The following ITGB3BP variants were observed in gnomAD, a reference collection of about 807,000 sequenced individuals.
ITGB3BP encodes the protein centromere protein R.
ITGB3BP carries 27 observed loss-of-function variants against 29.1 expected under a neutral mutation model. The observed-to-expected ratio is 0.93, with a 90% CI of 0.68 to 1.28. The LOEUF is 1.28. ITGB3BP is among the 50% of genes most tolerant of loss of function. ITGB3BP has a pLI of 0.00. For missense variants in ITGB3BP, 192 were observed against 200.2 expected, an observed-to-expected ratio of 0.96 and a Z score of 0.25; for synonymous variants, 61 against 61.4, an observed-to-expected ratio of 0.99 and a Z score of 0.03.
chr1:63,452,647 T>A (rs9436673), intron 7 of ITGB3BP, among the ~76,000 whole-genome samples: 6,547 of 150,400 alleles, frequency 0.044, 487 homozygotes, highest in African/African-American at 0.15. Context: ...TTTTTTTTTT[T>A]AAAAGATCCC....
rs1017582319 is a variant in ITGB3BP, at chr1:63,476,030, C to CTT, written c.254+2732_254+2733dup. 2.9e-5 allele frequency among the ~76,000 whole-genome samples: 4 copies of CTT among 136,518 alleles called. No homozygotes were observed. The East Asian group carries it at 6.7e-4, about 23-fold the overall frequency. 89.6% of individuals were successfully genotyped at this position (136,518 alleles called of 152,430 possible). A position where few individuals can be genotyped will look rare whatever the true frequency, so the allele number is the denominator to read the frequency against. On this transcript the variant is annotated intron_variant, in intron 4 of 8. Coordinates refer to ENST00000271002, the MANE Select transcript of ITGB3BP (RefSeq NM_014288.5). ...AAAAAAAAAAGAAACGTATCATTTT[C>CTT]TTTTTTTTTTTAAGAGATGGTCTCA...
chr1:63,503,003 A>G (rs921510250), intron 2 of ITGB3BP, among the ~76,000 whole-genome samples: 3 of 152,142 alleles, frequency 2.0e-5, no homozygotes, highest in Non-Finnish European at 4.4e-5. Context: ...TAGCAGCATG[A>G]TTTATAATCC....
intron 4 of ITGB3BP, among the ~76,000 whole-genome samples, chr1:63,471,039 T>C (rs1645186589): frequency 6.6e-6 from 1 of 152,214 alleles, no homozygotes; most frequent in Admixed American, 6.5e-5. Flanking sequence ...CCTTTTCATA[T>C]GTTTGCTGGT....
chr1:63,461,582 T>C (rs1354239596), intron 4 of ITGB3BP, among the ~76,000 whole-genome samples: 1 of 152,212 alleles, frequency 6.6e-6, no homozygotes, highest in African/African-American at 2.4e-5. Context: ...TCCTCTAAGA[T>C]AGTTATAAAT....
chr1:63,485,719 C>A (rs1248511520), intron 3 of ITGB3BP, among the ~76,000 whole-genome samples: 1 of 151,994 alleles, frequency 6.6e-6, no homozygotes, highest in Admixed American at 6.6e-5. Context: ...TCCTCACTTC[C>A]TGGATAAAAA....
rs149926828 is a variant in ITGB3BP, at chr1:63,444,986, T to A, written c.*1+1820A>T. ...AAGTGTTTATAACACTGCTGGCACA[T>A]AGAAATTACTCAATAGGGCTGGGCA... On this transcript the variant is annotated intron_variant, in intron 8 of 8. Coordinates refer to ENST00000271002, the MANE Select transcript of ITGB3BP (RefSeq NM_014288.5). 7.1e-3 allele frequency among the ~76,000 whole-genome samples: 1,084 copies of A among 152,228 alleles called. 15 individuals are homozygous for A. The Middle Eastern group carries it at 0.082, about 11-fold the overall frequency.
intron 1 of ITGB3BP, among the ~76,000 whole-genome samples, chr1:63,521,753 G>A (rs1420458559): frequency 1.3e-5 from 2 of 152,090 alleles, no homozygotes; most frequent in Non-Finnish European, 2.9e-5. Flanking sequence ...CTGCACTCCA[G>A]CCTGGGCAAC....
intron 1 of ITGB3BP, among the ~76,000 whole-genome samples, chr1:63,522,078 C>A (rs969561356): frequency 1.3e-5 from 2 of 152,170 alleles, no homozygotes; most frequent in Non-Finnish European, 2.9e-5. Flanking sequence ...GTAAAACATG[C>A]ATTTATTGGC....
intron 3 of ITGB3BP, among the ~76,000 whole-genome samples, chr1:63,482,675 CAG>C (rs1219710666): frequency 1.3e-4 from 16 of 122,452 alleles, no homozygotes; most frequent in African/African-American, 4.6e-4. Context: ...TTTTTTGAGA[CAG>C]AGTCTCACTT....
At chr1:63,455,620 T>C (rs1644922424) in intron 4 of ITGB3BP, among the ~76,000 whole-genome samples, 1 of 152,146 alleles carries the variant, frequency 6.6e-6, no homozygotes, top group Non-Finnish European at 1.5e-5. Flanking sequence ...GTGCTTTCTT[T>C]ACTTAATACA....
intron 2 of ITGB3BP, among the ~76,000 whole-genome samples, chr1:63,491,857 G>T (rs1391311614): frequency 6.6e-6 from 1 of 151,784 alleles, no homozygotes; most frequent in Admixed American, 6.6e-5. Flanking sequence ...ACAGTGAAAG[G>T]GTTTTAAGTC....
intron 2 of ITGB3BP, among the ~76,000 whole-genome samples, chr1:63,493,098 G>A (rs991740843): frequency 8.2e-5 from 11 of 133,684 alleles, no homozygotes; most frequent in South Asian, 8.0e-4. Context: ...ACGCGCGCGC[G>A]CGCAAGAAAA....
chr1:63,502,784 G>A (rs1645969699), intron 2 of ITGB3BP, among the ~76,000 whole-genome samples: 1 of 150,848 alleles, frequency 6.6e-6, no homozygotes, highest in South Asian at 2.1e-4. Context: ...TTGTCCTTGC[G>A]ATATTTGCTG....
At chr1:63,496,997 C>T (rs1645802425) in intron 2 of ITGB3BP, among the ~76,000 whole-genome samples, 11 of 152,186 alleles carry the variant, frequency 7.2e-5, no homozygotes, top group Admixed American at 6.5e-4. Flanking sequence ...CTATCCTTCA[C>T]TGAGATTAAA....
At chr1:63,518,134 A>T (rs938016215) in intron 1 of ITGB3BP, among the ~76,000 whole-genome samples, 3 of 152,116 alleles carry the variant, frequency 2.0e-5, no homozygotes, top group African/African-American at 7.2e-5. Context: ...AGTTTTCGAT[A>T]CTAAATATAT....
intron 8 of ITGB3BP, among the ~76,000 whole-genome samples, chr1:63,444,433 A>T (rs78815829): frequency 1.4e-4 from 21 of 147,260 alleles, no homozygotes; most frequent in African/African-American, 3.5e-4. Flanking sequence ...GATATATATA[A>T]GATATATATA....
At chr1:63,527,479 A>T (rs948189880), upstream of ITGB3BP, among the ~76,000 whole-genome samples, 3 of 151,676 alleles carry the variant, frequency 2.0e-5, no homozygotes, top group African/African-American at 7.3e-5. Context: ...CAGCGGTAGC[A>T]TTACTATAGC....
At chr1:63,521,157 A>C (rs1380798311) in intron 1 of ITGB3BP, among the ~76,000 whole-genome samples, 1 of 152,138 alleles carries the variant, frequency 6.6e-6, no homozygotes, top group Non-Finnish European at 1.5e-5. Flanking sequence ...CATACCAAAT[A>C]GTCACCATTT....
chr1:63,523,314 A>G, upstream of ITGB3BP: 2 of 761,970 alleles, frequency 2.6e-6, no homozygotes, highest in East Asian at 5.1e-5. Flanking sequence ...GTGCGCGAGC[A>G]AAGGAGCGAG....
Sources: allele counts gnomAD v4.1 joint callset (sites outside exome capture counted in the v4.1 genomes callset), GRCh38; gene constraint gnomAD v4.1.1; transcripts MANE v1.5; gene names NCBI Gene and HGNC (gene_info 2026-07-23, HGNC 2026-07-21).